The following ASAP1 variants were observed in gnomAD, a reference collection of about 807,000 sequenced individuals.
ASAP1 encodes arf-GAP with SH3 domain, ANK repeat and PH domain-containing protein 1.
ASAP1 carries 43 observed loss-of-function variants against 145.2 expected under a neutral mutation model. The observed-to-expected ratio is 0.30, with a 90% CI of 0.23 to 0.38. The LOEUF is 0.38. Among genes scored for constraint, ASAP1 ranks in the 10% least tolerant of loss-of-function variants. ASAP1 has a pLI of 1.00. For missense variants in ASAP1, 1,018 were observed against 1,355.3 expected, an observed-to-expected ratio of 0.75 and a Z score of 3.91; for synonymous variants, 546 against 515.5, an observed-to-expected ratio of 1.06 and a Z score of -0.80.
chr8:130,230,689 A>T (rs557238278), intron 4 of ASAP1, among the ~76,000 whole-genome samples: 20 of 152,266 alleles, frequency 1.3e-4, no homozygotes, highest in African/African-American at 4.8e-4. Context: ...AGAGCTTAAG[A>T]ATTGTTATTA....
chr8:130,420,647 ACTGTGG>A (rs1829682304), intron 1 of ASAP1, among the ~76,000 whole-genome samples: 1 of 152,128 alleles, frequency 6.6e-6, no homozygotes, highest in Admixed American at 6.5e-5. Context: ...TAATCCCAGC[ACTGTGG>A]GAGGCCGAGG....
intron 16 of ASAP1, among the ~76,000 whole-genome samples, chr8:130,127,532 C>A (rs2097576846): frequency 6.6e-6 from 1 of 152,102 alleles, no homozygotes; most frequent in African/African-American, 2.4e-5. Context: ...GTTTACTGAC[C>A]CATTTTTTAG....
chr8:130,337,562 A>T (rs1179300044), intron 3 of ASAP1, among the ~76,000 whole-genome samples: 3 of 152,228 alleles, frequency 2.0e-5, no homozygotes, highest in Admixed American at 6.5e-5. Context: ...AAATTGTTAC[A>T]TAATCCTATC....
intron 3 of ASAP1, among the ~76,000 whole-genome samples, chr8:130,336,103 T>A (rs766939451): frequency 6.6e-6 from 1 of 152,118 alleles, no homozygotes; most frequent in Non-Finnish European, 1.5e-5. Flanking sequence ...GGGATTAAGA[T>A]AATGCAAAAC....
At chr8:130,241,299 C>A (rs561825555) in intron 3 of ASAP1, among the ~76,000 whole-genome samples, 8 of 152,218 alleles carry the variant, frequency 5.3e-5, no homozygotes, top group Admixed American at 3.3e-4. Context: ...CTCAAATGCA[C>A]GTCATGCCAG....
intron 3 of ASAP1, among the ~76,000 whole-genome samples, chr8:130,306,281 T>C (rs1323642332): frequency 6.6e-6 from 1 of 152,210 alleles, no homozygotes; most frequent in African/African-American, 2.4e-5. Context: ...TATTATCATT[T>C]AGCAAGTCAT....
At chr8:130,067,589 T>A (rs532894391) in intron 27 of ASAP1, among the ~76,000 whole-genome samples, 13 of 151,926 alleles carry the variant, frequency 8.6e-5, no homozygotes, top group African/African-American at 2.9e-4. Context: ...AGAGACAAGG[T>A]CTCATCTCAT....
intron 3 of ASAP1, among the ~76,000 whole-genome samples, chr8:130,262,416 AAGAG>A (rs71513089): frequency 0.065 from 3,730 of 57,516 alleles, 163 homozygotes; most frequent in Non-Finnish European, 0.081. Context: ...AAAAAAAAAA[AAGAG>A]AGAGAGAGAG....
intron 3 of ASAP1, among the ~76,000 whole-genome samples, chr8:130,269,876 A>G (rs1198869467): frequency 2.0e-5 from 3 of 152,224 alleles, no homozygotes; most frequent in African/African-American, 7.2e-5. Flanking sequence ...ATTCGTTCCA[A>G]GTTAAATATC....
chr8:130,415,443 G>A (rs553336303), intron 1 of ASAP1, among the ~76,000 whole-genome samples: 28 of 152,178 alleles, frequency 1.8e-4, no homozygotes, highest in Admixed American at 4.6e-4. Context: ...ACTCCAGTCT[G>A]GGCAACACAG....
intron 3 of ASAP1, among the ~76,000 whole-genome samples, chr8:130,246,186 C>CT (rs1027084945): frequency 2.0e-5 from 3 of 151,924 alleles, no homozygotes; most frequent in Non-Finnish European, 4.4e-5. Flanking sequence ...CCTTCGCCCC[C>CT]CCATGGGAAA....
At chr8:130,128,634 C>T (rs1349065463) in intron 15 of ASAP1, among the ~76,000 whole-genome samples, 1 of 152,118 alleles carries the variant, frequency 6.6e-6, no homozygotes, top group Non-Finnish European at 1.5e-5. Flanking sequence ...GGCATATTAA[C>T]ATGGAAACAT....
intron 2 of ASAP1, among the ~76,000 whole-genome samples, chr8:130,389,867 A>C (rs1162698653): frequency 6.6e-6 from 1 of 152,044 alleles, no homozygotes; most frequent in African/African-American, 2.4e-5. Flanking sequence ...TGCCCAGCTA[A>C]ATTTTTTTTT....
At chr8:130,160,709 T>C (rs368462162) in intron 11 of ASAP1, 2 of 992,982 alleles carry the variant, frequency 2.0e-6, no homozygotes, top group African/African-American at 3.5e-5. Flanking sequence ...ATCAACAACG[T>C]TGAACTGCAG....
chr8:130,434,340 A>AG (rs765649136), intron 1 of ASAP1, among the ~76,000 whole-genome samples: 9 of 152,092 alleles, frequency 5.9e-5, no homozygotes, highest in Non-Finnish European at 1.2e-4. Flanking sequence ...GTCTCAAAAA[A>AG]GAAAAAAAAA....
chr8:130,324,624 A>G (rs897168845), intron 3 of ASAP1, among the ~76,000 whole-genome samples: 4 of 152,228 alleles, frequency 2.6e-5, no homozygotes, highest in East Asian at 1.9e-4. Context: ...ATATCCTAAT[A>G]TAACTATGCA....
chr8:130,057,631 G>A (rs970989962), intron 29 of ASAP1, among the ~76,000 whole-genome samples: 4 of 152,090 alleles, frequency 2.6e-5, no homozygotes, highest in Admixed American at 2.0e-4. Flanking sequence ...TGTATTTTTA[G>A]TAGACACGGG....
chr8:130,433,857 T>C (rs768064031), intron 1 of ASAP1, among the ~76,000 whole-genome samples: 14 of 152,180 alleles, frequency 9.2e-5, no homozygotes, highest in Non-Finnish European at 2.1e-4. Flanking sequence ...ATTTACAGAC[T>C]AGAAAACTAA....
chr8:130,153,359 G>GTATATATATATATATATATATATGTGTA (rs2097651386), intron 12 of ASAP1, among the ~76,000 whole-genome samples: 1 of 28,912 alleles, frequency 3.5e-5, no homozygotes, highest in Non-Finnish European at 7.4e-5. Context: ...ATATATATAT[G>GTATATATATATATATATATATATGTGTA]TATATATATA....
Sources: gnomAD v4.1 joint callset for allele counts (sites outside exome capture counted in the v4.1 genomes callset) on GRCh38, gnomAD v4.1.1 for gene constraint, MANE v1.5 for transcripts, NCBI Gene and HGNC (gene_info 2026-07-23, HGNC 2026-07-21) for gene names.